The following MLLT3 variants were observed in gnomAD, a reference collection of about 807,000 sequenced individuals.
MLLT3 encodes the protein MLLT3 super elongation complex subunit.
In MLLT3, 4 loss-of-function variants were observed where a neutral mutation model predicts 53.2. The ratio of observed to expected loss-of-function variants is 0.08; its 90% CI spans 0.04 to 0.17. The LOEUF (loss-of-function observed/expected upper bound fraction) is 0.17, where lower values mean the gene tolerates loss of function less well. Among genes scored for constraint, MLLT3 ranks in the 10% least tolerant of loss-of-function variants. MLLT3 has a pLI of 1.00. For synonymous variants in MLLT3, 283 were observed against 230.6 expected (o/e 1.23, Z -2.06); for missense variants, 569 against 684.0 (o/e 0.83, Z 1.87).
intron 2 of MLLT3, among the ~76,000 whole-genome samples, chr9:20,583,306 C>G (rs1819852509): frequency 6.6e-6 from 1 of 152,190 alleles, no homozygotes; most frequent in South Asian, 2.1e-4. Context: ...CAGCCTCCCT[C>G]TCTGCTGCTT....
chr9:20,434,517 C>T lies in MLLT3; in HGVS notation c.420+13606G>A, dbSNP rs529753095. ...GAAATCAGAGGATGTCTTCAAGGGG[C>T]CTTCAGTCTGTTTCAATTTGCTCCA... is the stretch of plus-strand genomic sequence containing the variant. On this transcript the variant is annotated intron_variant, in intron 4 of 10. Transcript: ENST00000380338. Among the ~76,000 whole-genome samples, 22 of 136,852 alleles carry T rather than the reference C, an allele frequency of 1.6e-4. No individual in the cohort carries two copies. In the South Asian group the frequency reaches 4.7e-3, roughly 29 times the overall value. The allele number at this position is 136,852 out of a possible 152,430, so 89.8% of individuals were successfully genotyped here. A position where few individuals can be genotyped will look rare whatever the true frequency, so the allele number is the denominator to read the frequency against.
chr9:20,376,524 C>A (rs1425232281), intron 5 of MLLT3, among the ~76,000 whole-genome samples: 3 of 152,148 alleles, frequency 2.0e-5, no homozygotes, highest in Non-Finnish European at 4.4e-5. Context: ...CATTCACTTT[C>A]TTCATTATTA....
chr9:20,411,556 C>T (rs923919810), intron 5 of MLLT3, among the ~76,000 whole-genome samples: 4 of 152,168 alleles, frequency 2.6e-5, no homozygotes, highest in African/African-American at 9.7e-5. Context: ...CTCAGCAATG[C>T]TATGCAGAGT....
intron 4 of MLLT3, among the ~76,000 whole-genome samples, chr9:20,432,828 C>G (rs948244959): frequency 2.0e-5 from 3 of 152,088 alleles, no homozygotes; most frequent in Admixed American, 2.0e-4. Flanking sequence ...AGAGCTCCTA[C>G]ATATGTATGC....
intron 8 of MLLT3, among the ~76,000 whole-genome samples, chr9:20,357,452 C>CT (rs1821198391): frequency 6.6e-6 from 1 of 152,196 alleles, no homozygotes; most frequent in African/African-American, 2.4e-5. Flanking sequence ...ACAGCAGTCT[C>CT]TGAAAATAGA....
intron 2 of MLLT3, among the ~76,000 whole-genome samples, chr9:20,477,769 C>A (rs1478140275): frequency 6.6e-6 from 1 of 152,020 alleles, no homozygotes; most frequent in Admixed American, 6.6e-5. Context: ...CAACCTAATC[C>A]CAATGGTATG....
intron 2 of MLLT3, among the ~76,000 whole-genome samples, chr9:20,539,085 T>C (rs1453512221): frequency 2.0e-5 from 3 of 152,228 alleles, no homozygotes; most frequent in Non-Finnish European, 4.4e-5. Context: ...AGGGTGGTGG[T>C]TGCTGAAGGC....
At chr9:20,484,402 G>A (rs1824752492) in intron 2 of MLLT3, among the ~76,000 whole-genome samples, 1 of 152,132 alleles carries the variant, frequency 6.6e-6, no homozygotes. Flanking sequence ...CACTGCTGTA[G>A]TAATGCTGTA....
chr9:20,588,032 AG>A (rs1461871580), intron 2 of MLLT3, among the ~76,000 whole-genome samples: 2 of 150,022 alleles, frequency 1.3e-5, no homozygotes, highest in Non-Finnish European at 3.0e-5. Flanking sequence ...GGTGTAAGGA[AG>A]GGATCCAGTT....
chr9:20,468,387 T>C (rs545026832), intron 2 of MLLT3, among the ~76,000 whole-genome samples: 2 of 152,314 alleles, frequency 1.3e-5, no homozygotes, highest in Admixed American at 1.3e-4. Flanking sequence ...TGGAGTTCTT[T>C]TAGCTCAATC....
chr9:20,606,753 G>A (rs1402106670), intron 2 of MLLT3, among the ~76,000 whole-genome samples: 1 of 151,946 alleles, frequency 6.6e-6, no homozygotes, highest in African/African-American at 2.4e-5. Flanking sequence ...CTAGGGTACT[G>A]CACCCTGTCT....
chr9:20,622,199 A>C lies in MLLT3; in HGVS notation c.12+46T>G, dbSNP rs765048215. ...GGGCTGCGGCGGCGCAGGGCGAGGA[A>C]GGAAAGTGGGGGAGGGCTTTTATTA... On this transcript the variant is annotated intron_variant, in intron 1 of 10. Transcript: ENST00000380338. 2.6e-6 allele frequency: 4 copies of C among 1,564,772 alleles called. No individual in the cohort carries two copies. In the East Asian group the frequency reaches 9.2e-5, roughly 36 times the overall value.
chr9:20,614,545 G>A (rs1465234910), intron 2 of MLLT3, among the ~76,000 whole-genome samples: 2 of 151,858 alleles, frequency 1.3e-5, no homozygotes, highest in Non-Finnish European at 1.5e-5. Flanking sequence ...TATATATAAA[G>A]ATGTCTAACA....
chr9:20,444,337 T>C (rs2118840142), intron 4 of MLLT3, among the ~76,000 whole-genome samples: 1 of 152,206 alleles, frequency 6.6e-6, no homozygotes, highest in South Asian at 2.1e-4. Flanking sequence ...CTCCACAGAG[T>C]ACACTTGGTC....
intron 5 of MLLT3, among the ~76,000 whole-genome samples, chr9:20,375,801 G>T (rs1008122720): frequency 1.3e-5 from 2 of 151,762 alleles, no homozygotes; most frequent in Non-Finnish European, 2.9e-5. Flanking sequence ...GTAGAGACGG[G>T]GTTTCACAGT....
At chr9:20,523,619 A>T (rs1206797755) in intron 2 of MLLT3, among the ~76,000 whole-genome samples, 2 of 152,202 alleles carry the variant, frequency 1.3e-5, no homozygotes, top group Non-Finnish European at 2.9e-5. Flanking sequence ...AAAAGACTAC[A>T]TCTGTATGAT....
intron 4 of MLLT3, among the ~76,000 whole-genome samples, chr9:20,432,013 CGAGT>C (rs1823283386): frequency 1.3e-5 from 2 of 151,970 alleles, no homozygotes; most frequent in Admixed American, 6.6e-5. Context: ...GCAAAGGAAT[CGAGT>C]GAGAGGCATA....
chr9:20,398,837 T>C (rs775899484), intron 5 of MLLT3, among the ~76,000 whole-genome samples: 1 of 152,164 alleles, frequency 6.6e-6, no homozygotes, highest in Non-Finnish European at 1.5e-5. Flanking sequence ...GATTAGTTTG[T>C]GGTCCTTGCT....
intron 2 of MLLT3, among the ~76,000 whole-genome samples, chr9:20,517,648 C>G (rs1456543073): frequency 6.6e-6 from 1 of 151,908 alleles, no homozygotes; most frequent in Non-Finnish European, 1.5e-5. Context: ...ACCAACCTGG[C>G]CAACATGGTG....
Sources: allele counts gnomAD v4.1 joint callset (sites outside exome capture counted in the v4.1 genomes callset), GRCh38; gene constraint gnomAD v4.1.1; transcripts MANE v1.5; gene names NCBI Gene and HGNC (gene_info 2026-07-23, HGNC 2026-07-21).